HIBADH: variants seen among roughly 807,000 people sequenced by gnomAD.
HIBADH encodes the protein 3-hydroxyisobutyrate dehydrogenase.
In HIBADH, 25 loss-of-function variants were observed where a neutral mutation model predicts 36.1. The ratio of observed to expected loss-of-function variants is 0.69; its 90% CI spans 0.50 to 0.97. The LOEUF (loss-of-function observed/expected upper bound fraction) is 0.97, where lower values mean the gene tolerates loss of function less well. Among genes scored for constraint, HIBADH ranks in the 50% least tolerant of loss-of-function variants. HIBADH has a pLI of 0.00. For missense variants in HIBADH, 421 were observed against 418.0 expected (o/e 1.01, Z -0.06); for synonymous variants, 160 against 149.5 (o/e 1.07, Z -0.51).
At chr7:27,585,096 T>G (rs1046908195) in intron 4 of HIBADH, among the ~76,000 whole-genome samples, 1 of 152,020 alleles carries the variant, frequency 6.6e-6, no homozygotes, top group African/African-American at 2.4e-5. Context: ...CATAAATTAC[T>G]AGGTAAATTT....
At chr7:27,580,592 T>C (rs1187985376) in intron 4 of HIBADH, among the ~76,000 whole-genome samples, 1 of 152,208 alleles carries the variant, frequency 6.6e-6, no homozygotes, top group African/African-American at 2.4e-5. Flanking sequence ...CTTCAGAGCT[T>C]GTACTGCAAT....
chr7:27,569,628 A>G (rs1273818083), intron 4 of HIBADH, among the ~76,000 whole-genome samples: 1 of 151,866 alleles, frequency 6.6e-6, no homozygotes, highest in Non-Finnish European at 1.5e-5. Flanking sequence ...GCTCCCTCTT[A>G]TCTGTGAAGG....
At chr7:27,635,086 A>ATGTGTG (rs3072901) in intron 2 of HIBADH, among the ~76,000 whole-genome samples, 57,434 of 149,576 alleles carry the variant, frequency 0.38, 11,219 homozygotes, top group African/African-American at 0.47. Context: ...CTCTCTGTGC[A>ATGTGTG]TGTGTGTGTG....
At chr7:27,616,391 A>G (rs11761718) in intron 4 of HIBADH, among the ~76,000 whole-genome samples, 18,939 of 152,186 alleles carry the variant, frequency 0.12, 1,303 homozygotes, top group Middle Eastern at 0.16. Context: ...CAGCACAGTA[A>G]TATCAAATGA....
intron 2 of HIBADH, chr7:27,649,254 C>T: frequency 2.6e-6 from 1 of 387,576 alleles, no homozygotes. Flanking sequence ...CAAAATGTTC[C>T]AAGTCACCTG....
chr7:27,619,270 C>A (rs1402210600), intron 4 of HIBADH, among the ~76,000 whole-genome samples: 1 of 152,078 alleles, frequency 6.6e-6, no homozygotes, highest in Non-Finnish European at 1.5e-5. Context: ...GCCAAAGAGC[C>A]CTGCTCAATC....
At chr7:27,536,937 A>G (rs1784078729) in intron 6 of HIBADH, among the ~76,000 whole-genome samples, 1 of 152,216 alleles carries the variant, frequency 6.6e-6, no homozygotes, top group South Asian at 2.1e-4. Context: ...ATAAAATTCT[A>G]AACATACATA....
intron 3 of HIBADH, among the ~76,000 whole-genome samples, chr7:27,630,342 T>A (rs536966768): frequency 6.6e-6 from 1 of 152,234 alleles, no homozygotes; most frequent in African/African-American, 2.4e-5. Context: ...GATCTCACCA[T>A]GTTGTCCAGG....
At position 27,625,001 on chromosome 7, in the gene HIBADH, T is replaced by C. The variant is rs73284457; in HGVS notation, c.484+4370A>G. Among the ~76,000 whole-genome samples the C allele has an allele frequency of 2.5e-3, 382 of 152,270 alleles. 5 individuals are homozygous for C. Among genetic ancestry groups the C allele is most frequent in the African/African-American group, 8.9e-3 (371 of 41,542 alleles). ...TTAACTTGGAAATAATCCAAATGTA[T>C]ATCACAATAGAAAGAAAAAATAGTG... is the stretch of plus-strand genomic sequence containing the variant. On this transcript the variant is annotated intron_variant, in intron 4 of 7. Transcript: ENST00000265395.
intron 4 of HIBADH, among the ~76,000 whole-genome samples, chr7:27,583,099 T>C (rs1784816657): frequency 1.3e-5 from 2 of 152,096 alleles, no homozygotes; most frequent in Admixed American, 6.5e-5. Context: ...CAGCTATTAT[T>C]CCACAAAACT....
At chr7:27,558,505 T>A (rs2128186448) in intron 4 of HIBADH, among the ~76,000 whole-genome samples, 1 of 152,218 alleles carries the variant, frequency 6.6e-6, no homozygotes, top group South Asian at 2.1e-4. Context: ...TTTTTTGTAT[T>A]TTTTTGTAGA....
chr7:27,634,977 C>T (rs1034916349), intron 2 of HIBADH, among the ~76,000 whole-genome samples: 6 of 152,150 alleles, frequency 3.9e-5, no homozygotes, highest in African/African-American at 9.7e-5. Context: ...CTCACAGGCC[C>T]GGAAGAAATA....
At chr7:27,594,151 T>C (rs1369786934) in intron 4 of HIBADH, among the ~76,000 whole-genome samples, 1 of 122,664 alleles carries the variant, frequency 8.2e-6, no homozygotes, top group African/African-American at 3.0e-5. Context: ...TTTGTTTTTT[T>C]GTTTTTTTTC....
chr7:27,532,449 C>T (rs1027575246), intron 6 of HIBADH, among the ~76,000 whole-genome samples: 1 of 152,190 alleles, frequency 6.6e-6, no homozygotes, highest in Non-Finnish European at 1.5e-5. Flanking sequence ...GTGTCTAAAA[C>T]ACATGCCTGT....
At position 27,662,730 on chromosome 7, in the gene HIBADH, C is replaced by G. The variant is rs2128298752; in HGVS notation, c.59G>C (p.Arg20Pro). ...AAAGCTGCCGGCTGCCGGCCGCAGCCGCCGGCTCCAGTACCGGAGACCGGA... is the reference window on the plus strand; with the variant it reads ...AAAGCTGCCGGCTGCCGGCCGCAGCGGCCGGCTCCAGTACCGGAGACCGGA... ...AASGLRYWSR[R>P]LRPAAGSFAA... The change falls in exon 1 of 8, where the codon CGG becomes CCG. Residue 20 changes from arginine (R) to proline (P), a missense_variant. By Grantham distance (103) the Arg-to-Pro change is moderately radical. Transcript: ENST00000265395. 7.2e-7 allele frequency: 1 copy of G among 1,391,970 alleles called. No homozygotes were observed. Among genetic ancestry groups the G allele is most frequent in the South Asian group, 1.6e-5 (1 of 64,180 alleles). 86.2% of individuals were successfully genotyped at this position (1,391,970 alleles called of 1,614,324 possible).
rs1030264855 is a variant in HIBADH, at chr7:27,555,247, T to TAA, written c.485-12148_485-12147insTT. Among the ~76,000 whole-genome samples, 19 of 152,092 alleles carry TAA rather than the reference T, an allele frequency of 1.2e-4. 1 individual carries two copies. The highest frequency in any genetic ancestry group is 1.0e-3 in the Admixed American group (16 of 15,270). On this transcript the variant is annotated intron_variant, in intron 4 of 7. Coordinates refer to ENST00000265395, the MANE Select transcript of HIBADH (RefSeq NM_152740.4). ...TGGTGGTAATTTAAGTGGGGAGAACTGTTCTTCCGGTTTCATGAGAACCAA... is the reference window on the plus strand; with the variant it reads ...TGGTGGTAATTTAAGTGGGGAGAACTAAGTTCTTCCGGTTTCATGAGAACCAA...
chr7:27,580,708 G>A (rs1022757415), intron 4 of HIBADH, among the ~76,000 whole-genome samples: 9 of 152,152 alleles, frequency 5.9e-5, no homozygotes, highest in Non-Finnish European at 8.8e-5. Flanking sequence ...TATTGTTACA[G>A]GCATTGAGAA....
At chr7:27,598,469 C>A (rs1055731791) in intron 4 of HIBADH, among the ~76,000 whole-genome samples, 1 of 152,110 alleles carries the variant, frequency 6.6e-6, no homozygotes, top group Non-Finnish European at 1.5e-5. Flanking sequence ...GAATAAGAAT[C>A]ACAAGCATCA....
At chr7:27,538,706 T>C (rs1178269841) in intron 5 of HIBADH, among the ~76,000 whole-genome samples, 1 of 152,066 alleles carries the variant, frequency 6.6e-6, no homozygotes, top group Non-Finnish European at 1.5e-5. Flanking sequence ...CAACTGCTCT[T>C]TAAGGGATGG....
Sources: gnomAD v4.1 joint callset for allele counts (sites outside exome capture counted in the v4.1 genomes callset) on GRCh38, gnomAD v4.1.1 for gene constraint, MANE v1.5 for transcripts, NCBI Gene and HGNC (gene_info 2026-07-23, HGNC 2026-07-21) for gene names.